EXOC6: variants seen among roughly 807,000 people sequenced by gnomAD.
EXOC6 encodes SEC15-like 1.
In EXOC6, 60 loss-of-function variants were observed where a neutral mutation model predicts 112.5. The observed-to-expected ratio is 0.53, with a 90% CI of 0.43 to 0.66. The LOEUF (loss-of-function observed/expected upper bound fraction) is 0.66. EXOC6 is among the 30% of genes least tolerant of loss of function. The pLI, the probability that EXOC6 is intolerant of heterozygous loss-of-function variation, is 0.00. For synonymous variants in EXOC6, 295 were observed against 308.0 expected (o/e 0.96, Z 0.44); for missense variants, 855 against 957.1 (o/e 0.89, Z 1.41).
intron 20 of EXOC6, among the ~76,000 whole-genome samples, chr10:93,054,858 G>T (rs1383961304): frequency 3.3e-5 from 5 of 152,132 alleles, no homozygotes; most frequent in African/African-American, 1.2e-4. Context: ...TCTGTGAGGG[G>T]TGTTCATTAT....
Position 92,934,416 on chromosome 10 carries a change from CT to C in EXOC6, c.1128del (p.Arg377GlufsTer16). The C allele has an allele frequency of 1.3e-6, 2 of 1,577,028 alleles. No individual in the cohort carries two copies. The highest frequency in any genetic ancestry group is 2.4e-5 in the South Asian group (2 of 84,272). The part of the protein sequence containing the change: ...NMALSKIIAV[L>X]RAHSSYCTDP... Reference sequence around the variant, plus strand: ...GGCCCTCTCAAAGATAATTGCTGTCCTTAGAGCTCATTCAGTAAGTCAGACA... The same window carrying C: ...GGCCCTCTCAAAGATAATTGCTGTCCTAGAGCTCATTCAGTAAGTCAGACA... On this transcript the variant is annotated frameshift_variant, in exon 11 of 22. Coordinates refer to ENST00000260762, the MANE Select transcript of EXOC6 (RefSeq NM_019053.6). LOFTEE classifies it high-confidence loss of function.
chr10:92,915,220 T>C (rs1331393533), intron 6 of EXOC6, among the ~76,000 whole-genome samples: 1 of 152,070 alleles, frequency 6.6e-6, no homozygotes, highest in Non-Finnish European at 1.5e-5. Context: ...AGGAAATACA[T>C]GGTTCTACAT....
intron 1 of EXOC6, among the ~76,000 whole-genome samples, chr10:92,873,024 T>C (rs865945292): frequency 6.6e-6 from 1 of 152,218 alleles, no homozygotes; most frequent in African/African-American, 2.4e-5. Flanking sequence ...ATATTTGCAT[T>C]CATTAATCTA....
intron 18 of EXOC6, among the ~76,000 whole-genome samples, chr10:92,995,159 G>A (rs760270374): frequency 1.3e-5 from 2 of 151,588 alleles, no homozygotes; most frequent in Non-Finnish European, 2.9e-5. Context: ...TTCAATGTTA[G>A]GATTTTAGTA....
intron 20 of EXOC6, among the ~76,000 whole-genome samples, chr10:93,027,856 A>G (rs985737181): frequency 6.6e-6 from 1 of 152,356 alleles, no homozygotes; most frequent in East Asian, 1.9e-4. Context: ...TCTGCAGCCC[A>G]TGGATCAAGG....
At chr10:93,007,417 G>A (rs1045726535) in intron 19 of EXOC6, among the ~76,000 whole-genome samples, 5 of 152,022 alleles carry the variant, frequency 3.3e-5, no homozygotes, top group South Asian at 4.2e-4. Flanking sequence ...TTGGGAGGCC[G>A]AGGTGGGTGG....
At chr10:92,862,423 A>G (rs1468321625) in intron 1 of EXOC6, among the ~76,000 whole-genome samples, 3 of 152,084 alleles carry the variant, frequency 2.0e-5, no homozygotes, top group Non-Finnish European at 4.4e-5. Flanking sequence ...ATGAGGGCAC[A>G]TCACTCATGA....
chr10:92,956,504 G>A (rs553244398), intron 17 of EXOC6, among the ~76,000 whole-genome samples: 13 of 152,088 alleles, frequency 8.5e-5, no homozygotes, highest in Admixed American at 2.6e-4. Context: ...AAAAATGAAT[G>A]TACTTGTGTT....
intron 13 of EXOC6, among the ~76,000 whole-genome samples, chr10:92,943,280 A>G (rs1254998394): frequency 6.6e-6 from 1 of 152,110 alleles, no homozygotes; most frequent in East Asian, 1.9e-4. Context: ...GGCCTCCTAA[A>G]GTGCTGGGAT....
At chr10:92,930,302 A>G (rs1851955220) in intron 9 of EXOC6, among the ~76,000 whole-genome samples, 1 of 152,164 alleles carries the variant, frequency 6.6e-6, no homozygotes, top group Non-Finnish European at 1.5e-5. Context: ...CAGGAGTTTG[A>G]GACCAGCCTG....
chr10:92,900,838 T>A (rs1314271668), intron 5 of EXOC6: 1 of 152,182 alleles, frequency 6.6e-6, no homozygotes, highest in Non-Finnish European at 1.5e-5. Flanking sequence ...TATCGGTTTT[T>A]CAGTAATATA....
chr10:92,885,745 A>C (rs2133785614), intron 1 of EXOC6, among the ~76,000 whole-genome samples: 1 of 152,280 alleles, frequency 6.6e-6, no homozygotes, highest in African/African-American at 2.4e-5. Flanking sequence ...TGCCAGAATT[A>C]GACATTTTAT....
chr10:92,855,481 G>A (rs1847556053), intron 1 of EXOC6, among the ~76,000 whole-genome samples: 1 of 152,112 alleles, frequency 6.6e-6, no homozygotes, highest in African/African-American at 2.4e-5. Context: ...GCTTGTGAAT[G>A]ATTAATGTTA....
intron 7 of EXOC6, 51 bp downstream of exon 7, chr10:92,915,964 T>C: frequency 8.0e-7 from 1 of 1,254,980 alleles, no homozygotes; most frequent in African/African-American, 1.6e-5. Context: ...TTTTTTCTTT[T>C]GGATTGTAAT....
upstream of EXOC6, among the ~76,000 whole-genome samples, chr10:92,845,770 C>A (rs1485767454): frequency 6.6e-6 from 1 of 151,526 alleles, no homozygotes; most frequent in East Asian, 2.0e-4. Flanking sequence ...GAAACCCAGT[C>A]TCTACTAAAA....
intron 17 of EXOC6, among the ~76,000 whole-genome samples, chr10:92,961,190 C>A (rs985250638): frequency 1.3e-5 from 2 of 152,068 alleles, no homozygotes; most frequent in African/African-American, 4.8e-5. Context: ...AAGGTACTTG[C>A]AAAATTACGC....
At chr10:92,983,480 C>A (rs1488330311) in intron 18 of EXOC6, among the ~76,000 whole-genome samples, 1 of 24,152 alleles carries the variant, frequency 4.1e-5, no homozygotes, top group Admixed American at 4.9e-4. Context: ...AAAATCTCTT[C>A]TATTTCTTTC....
At chr10:92,973,695 G>T (rs1842386040) in intron 17 of EXOC6, among the ~76,000 whole-genome samples, 1 of 152,120 alleles carries the variant, frequency 6.6e-6, no homozygotes, top group Non-Finnish European at 1.5e-5. Flanking sequence ...GTGAATCAGG[G>T]GTTAGATAGA....
intron 20 of EXOC6, among the ~76,000 whole-genome samples, chr10:93,046,623 G>A (rs1471550116): frequency 1.3e-5 from 2 of 150,658 alleles, no homozygotes; most frequent in Non-Finnish European, 3.0e-5. Flanking sequence ...ATGAGACCGA[G>A]TTTTGTTCTT....
Sources: gnomAD v4.1 joint callset for allele counts (sites outside exome capture counted in the v4.1 genomes callset) on GRCh38, gnomAD v4.1.1 for gene constraint, MANE v1.5 for transcripts, NCBI Gene and HGNC (gene_info 2026-07-23, HGNC 2026-07-21) for gene names.